HDAC9: variants seen among roughly 807,000 people sequenced by gnomAD.
HDAC9 encodes histone deacetylase 9.
HDAC9 carries 41 observed loss-of-function variants against 139.4 expected under a neutral mutation model. The observed-to-expected ratio is 0.29, with a 90% CI of 0.23 to 0.38. The LOEUF is 0.38. Ranked by LOEUF, HDAC9 falls within the 10% of genes least tolerant of loss-of-function variation. The probability of loss-of-function intolerance (pLI) is 1.00; values close to 1 mark genes in which losing one functional copy is unlikely to be tolerated. For missense variants in HDAC9, 1,147 were observed against 1,297.0 expected (o/e 0.88, Z 1.78); for synonymous variants, 517 against 476.2 (o/e 1.09, Z -1.12).
chr7:18,180,914 G>A (rs1353869591), intron 2 of HDAC9, among the ~76,000 whole-genome samples: 1 of 152,202 alleles, frequency 6.6e-6, no homozygotes, highest in African/African-American at 2.4e-5. Flanking sequence ...TCTGGTGGCT[G>A]CTGGCATTCT....
chr7:18,962,512 G>C (rs1563089369), intron 24 of HDAC9, among the ~76,000 whole-genome samples: 3 of 151,960 alleles, frequency 2.0e-5, no homozygotes, highest in African/African-American at 4.8e-5. Flanking sequence ...GTTTTGGGGG[G>C]TATTTTTTAT....
At chr7:18,844,316 A>G (rs181049850) in intron 21 of HDAC9, among the ~76,000 whole-genome samples, 17 of 152,308 alleles carry the variant, frequency 1.1e-4, no homozygotes, top group Admixed American at 9.8e-4. Context: ...AGTGGGAAAG[A>G]CTTACCAAAA....
At chr7:18,208,694 G>A (rs375977701) in intron 2 of HDAC9, among the ~76,000 whole-genome samples, 2 of 151,780 alleles carry the variant, frequency 1.3e-5, no homozygotes, top group African/African-American at 2.4e-5. Flanking sequence ...ATTTTAAATT[G>A]TAAACAAAGT....
At chr7:18,298,571 G>A (rs2128228392) in intron 1 of HDAC9, among the ~76,000 whole-genome samples, 1 of 152,224 alleles carries the variant, frequency 6.6e-6, no homozygotes, top group East Asian at 1.9e-4. Flanking sequence ...TACTGAGAAT[G>A]ATGATTTCCA....
chr7:18,846,855 T>C (rs1796939852), intron 21 of HDAC9, among the ~76,000 whole-genome samples: 1 of 152,166 alleles, frequency 6.6e-6, no homozygotes, highest in Non-Finnish European at 1.5e-5. Flanking sequence ...TTGCCAGCCT[T>C]AGGGTCAGGC....
At position 18,415,015 on chromosome 7, in the gene HDAC9, C is replaced by A. The variant is rs535253932; in HGVS notation, c.-41-81247C>A. ...TCTTTTCTCTTTGTTAGTTCCTCAC[C>A]CTTCTTCTCATTGTGTTCCCAAATA... On this transcript the variant is annotated intron_variant, in intron 1 of 3. Coordinates refer to the HDAC9 transcript ENST00000413509. Among the ~76,000 whole-genome samples the A allele has an allele frequency of 1.2e-4, 18 of 152,178 alleles. No homozygotes were observed. The South Asian group carries it at 3.7e-3, about 32-fold the overall frequency.
chr7:18,847,638 A>G (rs1218067060), intron 21 of HDAC9, among the ~76,000 whole-genome samples: 1 of 152,196 alleles, frequency 6.6e-6, no homozygotes, highest in East Asian at 1.9e-4. Flanking sequence ...AAGTGGTTAC[A>G]CAAAAGGGCT....
intron 2 of HDAC9, among the ~76,000 whole-genome samples, chr7:18,559,475 T>C (rs1238141300): frequency 6.6e-6 from 1 of 152,180 alleles, no homozygotes; most frequent in African/African-American, 2.4e-5. Flanking sequence ...TTTACTAATG[T>C]TAAGGTGAGG....
rs570662383 is a variant in HDAC9 at position 18,937,941 on chromosome 7, A to G, written c.2937+1999A>G. Among the ~76,000 whole-genome samples the G allele has an allele frequency of 7.2e-4, 110 of 152,296 alleles. 3 individuals are homozygous for G. In the South Asian group the frequency reaches 0.022, roughly 30 times the overall value. ...CAATGAGGATGGAGTGATCTCCCCT[A>G]TGATCTCTTTCTTTAAGAAATGATT... On this transcript the variant is annotated intron_variant, in intron 23 of 25. Transcript: ENST00000686413.
At chr7:18,446,794 G>A (rs1792337623) in intron 1 of HDAC9, among the ~76,000 whole-genome samples, 1 of 151,916 alleles carries the variant, frequency 6.6e-6, no homozygotes, top group Non-Finnish European at 1.5e-5. Context: ...AAATATCAAG[G>A]GCTGCCTTCT....
At chr7:18,450,806 G>A (rs998981043) in intron 1 of HDAC9, among the ~76,000 whole-genome samples, 1 of 152,112 alleles carries the variant, frequency 6.6e-6, no homozygotes, top group African/African-American at 2.4e-5. Flanking sequence ...TGATTGGTCA[G>A]CTTCTTAATC....
chr7:18,951,519 G>T (rs962839655), intron 23 of HDAC9, among the ~76,000 whole-genome samples: 1 of 151,656 alleles, frequency 6.6e-6, no homozygotes, highest in Admixed American at 6.6e-5. Flanking sequence ...ATGGCATGAC[G>T]GGTGTGTACT....
chr7:18,799,245 A>G (rs1432551431), intron 17 of HDAC9, among the ~76,000 whole-genome samples: 1 of 152,220 alleles, frequency 6.6e-6, no homozygotes, highest in Non-Finnish European at 1.5e-5. Flanking sequence ...CGATTTCACA[A>G]AAGTCACTAA....
At chr7:18,216,157 A>G (rs754753457) in intron 2 of HDAC9, among the ~76,000 whole-genome samples, 1 of 151,446 alleles carries the variant, frequency 6.6e-6, no homozygotes, top group Non-Finnish European at 1.5e-5. Context: ...AGACAGAGAG[A>G]GTTTGAGAGA....
chr7:18,730,090 C>A (rs775809782), intron 13 of HDAC9, among the ~76,000 whole-genome samples: 1 of 152,104 alleles, frequency 6.6e-6, no homozygotes, highest in Non-Finnish European at 1.5e-5. Context: ...GAAAAACGCA[C>A]AATATTTTAA....
At chr7:18,926,827 T>C (rs1355734829) in intron 22 of HDAC9, among the ~76,000 whole-genome samples, 1 of 152,200 alleles carries the variant, frequency 6.6e-6, no homozygotes, top group Non-Finnish European at 1.5e-5. Context: ...GCTGAGAATA[T>C]AAACTTACCT....
Position 18,519,287 on chromosome 7 carries a change from T to C in HDAC9, c.22+22963T>C, listed in dbSNP as rs949439840. Among the ~76,000 whole-genome samples the C allele has an allele frequency of 6.6e-5, 10 of 152,226 alleles. No homozygotes were observed. The East Asian group carries it at 1.9e-3, about 29-fold the overall frequency. On this transcript the variant is annotated intron_variant, in intron 2 of 25. Transcript: ENST00000686413. Reference sequence around the variant, plus strand: ...ATAATTGTTGACTTGGTATTCTTCGTAGTCAGAAACAAATTAAATGACAAA... The same window carrying C: ...ATAATTGTTGACTTGGTATTCTTCGCAGTCAGAAACAAATTAAATGACAAA...
chr7:18,676,627 G>A (rs1427423039), intron 12 of HDAC9, among the ~76,000 whole-genome samples: 1 of 151,760 alleles, frequency 6.6e-6, no homozygotes, highest in Non-Finnish European at 1.5e-5. Context: ...TTTTTCTACT[G>A]TAAATTATAA....
intron 12 of HDAC9, among the ~76,000 whole-genome samples, chr7:18,702,844 T>C (rs1398320193): frequency 1.3e-5 from 2 of 152,236 alleles, no homozygotes; most frequent in Non-Finnish European, 1.5e-5. Context: ...TAAGCTGTTG[T>C]TGAACTTTAA....
Sources: allele counts gnomAD v4.1 joint callset (sites outside exome capture counted in the v4.1 genomes callset), GRCh38; gene constraint gnomAD v4.1.1; transcripts MANE v1.5; gene names NCBI Gene and HGNC (gene_info 2026-07-23, HGNC 2026-07-21).